Variants in ATP11B observed in about 807,000 individuals in gnomAD.
ATP11B encodes phospholipid-transporting ATPase IF.
Under a neutral mutation model 157.8 loss-of-function variants are expected in ATP11B, and 81 were observed. The ratio of observed to expected loss-of-function variants is 0.51; its 90% CI spans 0.43 to 0.62. The LOEUF (loss-of-function observed/expected upper bound fraction) is 0.62. Ranked by LOEUF, ATP11B falls within the 20% of genes least tolerant of loss-of-function variation. The pLI is 0.00. For synonymous variants in ATP11B, 451 were observed against 469.4 expected (o/e 0.96, Z 0.51); for missense variants, 1,165 against 1,402.2 (o/e 0.83, Z 2.70).
intron 2 of ATP11B, among the ~76,000 whole-genome samples, chr3:182,824,765 C>T (rs577323626): frequency 4.6e-5 from 7 of 152,288 alleles, no homozygotes; most frequent in African/African-American, 7.2e-5. Flanking sequence ...CTACCTATTA[C>T]GCCACTATTG....
At chr3:182,873,764 C>T in intron 18 of ATP11B, 48 bp from the exon 19 acceptor site, 1 of 1,464,618 alleles carries the variant, frequency 6.8e-7, no homozygotes, top group Non-Finnish European at 9.5e-7. Context: ...ACTTAAAATA[C>T]AGTCATAAAA....
chr3:182,895,205 C>G (rs1723461479), intron 25 of ATP11B, among the ~76,000 whole-genome samples: 1 of 151,430 alleles, frequency 6.6e-6, no homozygotes, highest in Admixed American at 6.6e-5. Context: ...TAAGTTGAGA[C>G]CCACTGATCA....
chr3:182,859,547 A>G (rs1436594776), intron 12 of ATP11B, among the ~76,000 whole-genome samples, 188 bp downstream of exon 12: 1 of 152,042 alleles, frequency 6.6e-6, no homozygotes, highest in Non-Finnish European at 1.5e-5. Context: ...CTATATTTCT[A>G]TTTGATATTC....
At chr3:182,861,876 C>T (rs1452020034) in intron 12 of ATP11B, among the ~76,000 whole-genome samples, 1 of 149,856 alleles carries the variant, frequency 6.7e-6, no homozygotes, top group East Asian at 2.0e-4. Context: ...CCCAGGAAAT[C>T]GAGGCTGCAG....
Position 182,918,228 on chromosome 3 carries a change from A to G in ATP11B, c.*124A>G. The stretch of plus-strand genomic sequence containing the variant: ...AAAATCTTTGTAGTAGTTCATACCC[A>G]CTCAGAGTTATAATGGCAAACAAAC... On this transcript the variant is annotated 3_prime_UTR_variant, in exon 30 of 30. Coordinates refer to ENST00000323116, the MANE Select transcript of ATP11B (RefSeq NM_014616.3). 1 of 1,369,044 alleles carries G rather than the reference A, an allele frequency of 7.3e-7. No individual in the cohort carries two copies. The highest frequency in any genetic ancestry group is 9.8e-7 in the Non-Finnish European group (1 of 1,018,880). 84.8% of individuals were successfully genotyped at this position (1,369,044 alleles called of 1,614,324 possible).
intron 2 of ATP11B, among the ~76,000 whole-genome samples, chr3:182,823,088 T>C (rs1000678507): frequency 1.3e-5 from 2 of 152,248 alleles, no homozygotes; most frequent in Non-Finnish European, 2.9e-5. Context: ...GATGGCAGTT[T>C]CTTTTGCTGT....
intron 17 of ATP11B, among the ~76,000 whole-genome samples, chr3:182,871,092 A>C (rs1319370382): frequency 6.6e-6 from 1 of 152,086 alleles, no homozygotes; most frequent in African/African-American, 2.4e-5. Flanking sequence ...TGTGGCCAGG[A>C]GTTTGAGACC....
intron 28 of ATP11B, chr3:182,902,631 A>C: frequency 9.8e-7 from 1 of 1,015,430 alleles, no homozygotes; most frequent in Non-Finnish European, 1.3e-6. Context: ...AAACAATATC[A>C]AAAGATGGGC....
At chr3:182,800,873 C>G (rs1369582063) in intron 1 of ATP11B, among the ~76,000 whole-genome samples, 2 of 146,606 alleles carry the variant, frequency 1.4e-5, no homozygotes, top group African/African-American at 5.1e-5. Flanking sequence ...CTCCGCCCCC[C>G]ACCCCCCCCA....
intron 23 of ATP11B, among the ~76,000 whole-genome samples, chr3:182,887,080 G>A (rs1722842539): frequency 6.6e-6 from 1 of 152,114 alleles, no homozygotes; most frequent in Non-Finnish European, 1.5e-5. Flanking sequence ...TACCAACAGT[G>A]GTACCTGTGA....
intron 10 of ATP11B, among the ~76,000 whole-genome samples, chr3:182,853,415 G>A (rs182795886): frequency 1.3e-5 from 2 of 152,122 alleles, no homozygotes; most frequent in Admixed American, 6.5e-5. Context: ...CACCATGTTG[G>A]CCAGGATGTC....
intron 23 of ATP11B, among the ~76,000 whole-genome samples, 182 bp downstream of exon 23, chr3:182,886,192 GTT>G (rs1166086805): frequency 6.6e-6 from 1 of 152,026 alleles, no homozygotes; most frequent in African/African-American, 2.4e-5. Context: ...ATTTATTCTG[GTT>G]TTCAGTTTGA....
chr3:182,826,997 C>A (rs990168483), intron 2 of ATP11B, among the ~76,000 whole-genome samples: 1 of 152,078 alleles, frequency 6.6e-6, no homozygotes, highest in Non-Finnish European at 1.5e-5. Context: ...AGAAAAAACC[C>A]GTTGTCAACC....
intron 4 of ATP11B, among the ~76,000 whole-genome samples, chr3:182,834,814 T>C (rs1718420806): frequency 6.6e-6 from 1 of 152,212 alleles, no homozygotes; most frequent in African/African-American, 2.4e-5. Flanking sequence ...GAACCCCTTA[T>C]GCAATTGAAA....
intron 1 of ATP11B, among the ~76,000 whole-genome samples, chr3:182,808,152 G>A (rs1716440842): frequency 6.6e-6 from 1 of 152,124 alleles, no homozygotes; most frequent in African/African-American, 2.4e-5. Flanking sequence ...TTCATCTCCT[G>A]AACTACAAGG....
chr3:182,856,876 C>G (rs1720445776), intron 10 of ATP11B, among the ~76,000 whole-genome samples: 1 of 152,136 alleles, frequency 6.6e-6, no homozygotes, highest in Non-Finnish European at 1.5e-5. Context: ...TTCACATTTT[C>G]CCTCAATATT....
intron 1 of ATP11B, among the ~76,000 whole-genome samples, chr3:182,819,227 C>T (rs1717168455): frequency 6.6e-6 from 1 of 151,756 alleles, no homozygotes; most frequent in Non-Finnish European, 1.5e-5. Context: ...CGCCACCACG[C>T]CCGGCTAATT....
intron 4 of ATP11B, among the ~76,000 whole-genome samples, chr3:182,830,952 C>T (rs1718088117): frequency 6.6e-6 from 1 of 152,056 alleles, no homozygotes; most frequent in Non-Finnish European, 1.5e-5. Context: ...TCATTTATTT[C>T]AACAAAGTAA....
chr3:182,861,973 C>G (rs1720875259), intron 12 of ATP11B, among the ~76,000 whole-genome samples: 1 of 151,248 alleles, frequency 6.6e-6, no homozygotes, highest in Non-Finnish European at 1.5e-5. Flanking sequence ...AGGCTGGGCT[C>G]AGTGGCTCAT....
Sources: allele counts gnomAD v4.1 joint callset (sites outside exome capture counted in the v4.1 genomes callset), GRCh38; gene constraint gnomAD v4.1.1; transcripts MANE v1.5; gene names NCBI Gene and HGNC (gene_info 2026-07-23, HGNC 2026-07-21).